Variants in TCF4 observed in about 807,000 individuals in gnomAD.
TCF4 encodes SL3-3 enhancer factor 2.
TCF4 carries 3 observed loss-of-function variants against 82.1 expected under a neutral mutation model. The observed-to-expected ratio is 0.04, with a 90% CI of 0.02 to 0.09. TCF4 has a LOEUF of 0.09. TCF4 is among the 10% of genes least tolerant of loss of function. The probability of loss-of-function intolerance (pLI) is 1.00; values close to 1 mark genes in which losing one functional copy is unlikely to be tolerated. For synonymous variants in TCF4, 276 were observed against 309.6 expected, an observed-to-expected ratio of 0.89 and a Z score of 1.14; for missense variants, 518 against 852.7, an observed-to-expected ratio of 0.61 and a Z score of 4.89.
intron 9 of TCF4, among the ~76,000 whole-genome samples, chr18:55,276,485 G>A (rs1217046336): frequency 1.3e-5 from 2 of 152,088 alleles, no homozygotes; most frequent in Non-Finnish European, 2.9e-5. Context: ...ATTATATAAA[G>A]TATCTTTCAA....
Position 55,422,125 on chromosome 18 carries a change from CAAAAAAAA to C in TCF4, c.305-18615_305-18608del, listed in dbSNP as rs555892552. On this transcript the variant is annotated intron_variant, in intron 5 of 19. Coordinates refer to ENST00000354452, the MANE Select transcript of TCF4 (RefSeq NM_001083962.2). ...CAAAAAAAAAAAAACCACTATCATC[CAAAAAAAA>C]AAAAAAAAAAAAAAACCCACCCTGA... is the stretch of plus-strand genomic sequence containing the variant. The C allele has an allele frequency of 4.3e-3, 1,398 of 323,306 alleles. 5 individuals carry two copies. The highest frequency in any genetic ancestry group is 0.026 in the African/African-American group (851 of 32,912). 20.0% of individuals were successfully genotyped at this position (323,306 alleles called of 1,614,324 possible). A position where few individuals can be genotyped will look rare whatever the true frequency, so the allele number is the denominator to read the frequency against.
intron 8 of TCF4, among the ~76,000 whole-genome samples, chr18:55,292,846 T>C (rs2065422192): frequency 6.6e-6 from 1 of 152,184 alleles, no homozygotes; most frequent in Non-Finnish European, 1.5e-5. Flanking sequence ...TATACGTCTA[T>C]ATTTACACAT....
intron 5 of TCF4, among the ~76,000 whole-genome samples, chr18:55,428,918 G>A (rs928149837): frequency 6.6e-6 from 1 of 152,064 alleles, no homozygotes; most frequent in East Asian, 1.9e-4. Flanking sequence ...TCTGGAGAAG[G>A]AGGAGAAGAT....
At chr18:55,311,735 A>G (rs2072526386) in intron 8 of TCF4, among the ~76,000 whole-genome samples, 1 of 152,162 alleles carries the variant, frequency 6.6e-6, no homozygotes, top group South Asian at 2.1e-4. Flanking sequence ...TTTAGAACCA[A>G]CTCTATAGCA....
rs984837782 is a variant in TCF4 at position 55,223,442 on chromosome 18, T to A, written c.*4593A>T. 2.6e-5 allele frequency: 4 copies of A among 152,574 alleles called. No individual in the cohort carries two copies. The allele number at this position is 152,574 out of a possible 1,614,324, so 9.5% of individuals were successfully genotyped here. Reference sequence around the variant, plus strand: ...AATGCAAAATGAAATGAAACAAGTGTCAGAAACAGTTTATAAAAATGGCAC... The same window carrying A: ...AATGCAAAATGAAATGAAACAAGTGACAGAAACAGTTTATAAAAATGGCAC... On this transcript the variant is annotated 3_prime_UTR_variant, in exon 20 of 20. Coordinates refer to ENST00000354452, the MANE Select transcript of TCF4 (RefSeq NM_001083962.2).
At chr18:55,340,724 ATGTTAGATTTGTTTCTC>A in intron 8 of TCF4, among the ~76,000 whole-genome samples, 1 of 152,150 alleles carries the variant, frequency 6.6e-6, no homozygotes, top group East Asian at 1.9e-4. Flanking sequence ...GTAGGCTGCC[ATGTTAGATTTGTTTCTC>A]AAATGCCAAA....
At chr18:55,406,409 A>G (rs1203043198) in intron 5 of TCF4, among the ~76,000 whole-genome samples, 2 of 152,052 alleles carry the variant, frequency 1.3e-5, no homozygotes, top group African/African-American at 4.8e-5. Flanking sequence ...CATTTTTTTT[A>G]AAGACTAAAA....
At chr18:55,420,899 G>GAAAAAAAAAA (rs377458803) in intron 5 of TCF4, among the ~76,000 whole-genome samples, 1 of 101,326 alleles carries the variant, frequency 9.9e-6, no homozygotes, top group Non-Finnish European at 2.1e-5. Flanking sequence ...CGCTTTAAAA[G>GAAAAAAAAAA]AAAAAAAAAA....
chr18:55,579,306 T>A (rs1377821189), intron 3 of TCF4, among the ~76,000 whole-genome samples: 1 of 151,762 alleles, frequency 6.6e-6, no homozygotes, highest in Non-Finnish European at 1.5e-5. Flanking sequence ...TGGTCAGTTG[T>A]GAAAATTTTA....
intron 8 of TCF4, among the ~76,000 whole-genome samples, chr18:55,312,858 C>T (rs1044095303): frequency 6.6e-6 from 1 of 152,056 alleles, no homozygotes; most frequent in East Asian, 1.9e-4. Context: ...GTTTTTAATA[C>T]GGCACAGGTC....
At position 55,567,340 on chromosome 18, in the gene TCF4, T is replaced by C. The variant is rs189082858; in HGVS notation, c.145+17940A>G. Among the ~76,000 whole-genome samples the C allele has an allele frequency of 1.0e-3, 158 of 152,246 alleles. 2 individuals are homozygous for C. The highest frequency in any genetic ancestry group is 3.7e-3 in the African/African-American group (152 of 41,550). ...TAATATAATTTCAATATGTATAAAGTCAAAATAGAAATACAGGGAAAAATT... is the reference window on the plus strand; with the variant it reads ...TAATATAATTTCAATATGTATAAAGCCAAAATAGAAATACAGGGAAAAATT... On this transcript the variant is annotated intron_variant, in intron 3 of 19. Transcript: ENST00000354452.
intron 3 of TCF4, among the ~76,000 whole-genome samples, chr18:55,498,785 GA>G (rs1279643973): frequency 7.9e-5 from 12 of 152,300 alleles, no homozygotes; most frequent in African/African-American, 2.9e-4. Context: ...TTAGCAGGTG[GA>G]AAGTCACACG....
intron 5 of TCF4, among the ~76,000 whole-genome samples, chr18:55,460,349 T>C (rs921848291): frequency 2.0e-5 from 3 of 152,112 alleles, no homozygotes; most frequent in Non-Finnish European, 4.4e-5. Context: ...TTACTGCTGT[T>C]AAACAAACAT....
chr18:55,500,278 C>T (rs995386925), intron 3 of TCF4, among the ~76,000 whole-genome samples: 2 of 152,102 alleles, frequency 1.3e-5, no homozygotes, highest in African/African-American at 2.4e-5. Context: ...AACTCGATTG[C>T]CAACAGAATG....
At chr18:55,267,243 T>C (rs2059388717) in intron 11 of TCF4, 6 of 152,160 alleles carry the variant, frequency 3.9e-5, no homozygotes, top group Admixed American at 2.6e-4. Flanking sequence ...TAGCTCTGTT[T>C]GTTCTTTGAG....
chr18:55,591,524 T>C (rs571121320), upstream of TCF4, among the ~76,000 whole-genome samples: 1 of 152,352 alleles, frequency 6.6e-6, no homozygotes, highest in East Asian at 1.9e-4. Flanking sequence ...TTGTTTGTTT[T>C]GTTTTGTTTT....
intron 6 of TCF4, among the ~76,000 whole-genome samples, chr18:55,365,179 ATATATATATATATG>A (rs1416108040): frequency 7.8e-5 from 10 of 129,010 alleles, no homozygotes; most frequent in Non-Finnish European, 1.6e-4. Context: ...ATATATATAT[ATATATATATATATG>A]TGTGTGTGTG....
chr18:55,604,986 G>C lies in TCF4; in HGVS notation c.287-17850C>G, dbSNP rs549366821. 5.3e-5 allele frequency among the ~76,000 whole-genome samples: 8 copies of C among 152,312 alleles called. No homozygotes were observed. The South Asian group carries it at 1.7e-3, about 32-fold the overall frequency. ...CTTTTCCCTTTTTAGGTTATTAGAA[G>C]ATTTCAGATGTACAAGCACAGACCC... On this transcript the variant is annotated intron_variant, in intron 2 of 20. Transcript: ENST00000398339.
At chr18:55,628,612 G>T (rs2097728833) in intron 2 of TCF4, among the ~76,000 whole-genome samples, 1 of 152,074 alleles carries the variant, frequency 6.6e-6, no homozygotes, top group African/African-American at 2.4e-5. Context: ...ATGGTCATTG[G>T]AAAACACATT....
Sources: allele counts gnomAD v4.1 joint callset (sites outside exome capture counted in the v4.1 genomes callset), GRCh38; gene constraint gnomAD v4.1.1; transcripts MANE v1.5; gene names NCBI Gene and HGNC (gene_info 2026-07-23, HGNC 2026-07-21).